Variants in PDS5B observed in about 807,000 individuals in gnomAD.
The protein encoded by PDS5B is PDS5 cohesin associated factor B.
In PDS5B, 51 loss-of-function variants were observed where a neutral mutation model predicts 184.1. That is an observed-to-expected ratio of 0.28 (90% CI 0.22 to 0.35). The LOEUF is 0.35. Ranked by LOEUF, PDS5B falls within the 10% of genes least tolerant of loss-of-function variation. The probability of loss-of-function intolerance (pLI) is 1.00; values close to 1 mark genes in which losing one functional copy is unlikely to be tolerated. For synonymous variants in PDS5B, 566 were observed against 569.2 expected (o/e 0.99, Z 0.08); for missense variants, 1,180 against 1,723.3 (o/e 0.68, Z 5.58).
chr13:32,638,957 G>A (rs192559271), intron 1 of PDS5B, among the ~76,000 whole-genome samples: 5 of 152,178 alleles, frequency 3.3e-5, no homozygotes, highest in African/African-American at 1.2e-4. Flanking sequence ...CAGTCTACAT[G>A]GGGGCGTGGG....
intron 9 of PDS5B, among the ~76,000 whole-genome samples, chr13:32,676,682 A>G (rs1951072391): frequency 6.6e-6 from 1 of 152,194 alleles, no homozygotes; most frequent in Non-Finnish European, 1.5e-5. Context: ...CTGTAATCCT[A>G]GCACTTTGGG....
At chr13:32,722,301 C>T (rs1054568304) in intron 19 of PDS5B, among the ~76,000 whole-genome samples, 3 of 152,216 alleles carry the variant, frequency 2.0e-5, no homozygotes, top group South Asian at 2.1e-4. Flanking sequence ...GCCGAGATCG[C>T]GGCAGTACAG....
chr13:32,625,076 G>A (rs1195694918), intron 1 of PDS5B, among the ~76,000 whole-genome samples: 3 of 152,112 alleles, frequency 2.0e-5, no homozygotes, highest in Non-Finnish European at 1.5e-5. Flanking sequence ...GGAAAAAGAT[G>A]TTCAGTTTTT....
At chr13:32,684,172 A>G in intron 11 of PDS5B, 149 bp downstream of exon 11, 1 of 387,772 alleles carries the variant, frequency 2.6e-6, no homozygotes, top group Non-Finnish European at 4.5e-6. Context: ...AATTACCTTT[A>G]TGAGGTTTAC....
chr13:32,709,735 C>T (rs1163845589), intron 18 of PDS5B, among the ~76,000 whole-genome samples: 1 of 152,020 alleles, frequency 6.6e-6, no homozygotes, highest in Non-Finnish European at 1.5e-5. Flanking sequence ...GAAGAAATTA[C>T]TTCATTATAT....
intron 2 of PDS5B, among the ~76,000 whole-genome samples, chr13:32,650,782 T>G (rs1461198340): frequency 6.6e-6 from 1 of 152,246 alleles, no homozygotes; most frequent in Non-Finnish European, 1.5e-5. Flanking sequence ...TTTCCACAGC[T>G]GCTCTGAGAA....
At chr13:32,699,908 A>G (rs1312227790) in intron 16 of PDS5B, 39 bp downstream of exon 16, 5 of 1,504,820 alleles carry the variant, frequency 3.3e-6, no homozygotes, top group Non-Finnish European at 4.4e-6. Context: ...AAAAGCCCCC[A>G]AATCTTCTTT....
intron 20 of PDS5B, among the ~76,000 whole-genome samples, chr13:32,733,630 C>G (rs1294690170): frequency 6.6e-6 from 1 of 152,126 alleles, no homozygotes; most frequent in Non-Finnish European, 1.5e-5. Context: ...GCCTACAATT[C>G]TTGGTGTTCA....
chr13:32,776,065 T>G lies in PDS5B; in HGVS notation c.*1013T>G, dbSNP rs964791113. On this transcript the variant is annotated 3_prime_UTR_variant, in exon 35 of 35. Transcript: ENST00000315596. Reference sequence around the variant, plus strand: ...TAAAGTTAATCAGAAAGAAAAAATTTTATTGATGCAGTGTGTCTTTATAAA... The same window carrying G: ...TAAAGTTAATCAGAAAGAAAAAATTGTATTGATGCAGTGTGTCTTTATAAA... The G allele has an allele frequency of 1.3e-5, 2 of 155,128 alleles. No homozygotes were observed. Among genetic ancestry groups the G allele is most frequent in the South Asian group, 2.0e-4 (1 of 5,078 alleles). 9.6% of individuals were successfully genotyped at this position (155,128 alleles called of 1,614,324 possible). A position where few individuals can be genotyped will look rare whatever the true frequency, so the allele number is the denominator to read the frequency against.
intron 1 of PDS5B, among the ~76,000 whole-genome samples, chr13:32,630,824 G>C (rs987077418): frequency 7.0e-5 from 10 of 142,890 alleles, no homozygotes; most frequent in Middle Eastern, 3.5e-3. Context: ...TCTCACTTCT[G>C]TCCAGGCTGG....
chr13:32,594,115 C>T (rs2057819383), intron 1 of PDS5B, among the ~76,000 whole-genome samples: 2 of 152,142 alleles, frequency 1.3e-5, no homozygotes, highest in African/African-American at 4.8e-5. Context: ...CAATTATATG[C>T]TGGTTAAAAA....
chr13:32,741,739 G>A lies in PDS5B; in HGVS notation c.2475+591G>A, dbSNP rs945906168. On this transcript the variant is annotated intron_variant, in intron 22 of 34. Coordinates refer to ENST00000315596, the MANE Select transcript of PDS5B (RefSeq NM_015032.4). ...TGTGTGTGTGTGTGTGTGTGTGTGT[G>A]TGTATTTGTTTATAGTTCGTATTAC... Among the ~76,000 whole-genome samples the A allele has an allele frequency of 4.8e-5, 7 of 145,916 alleles. 1 individual carries two copies. Among genetic ancestry groups the A allele is most frequent in the African/African-American group, 1.8e-4 (7 of 38,774 alleles).
At chr13:32,679,045 A>T in intron 10 of PDS5B, 116 bp downstream of exon 10, 1 of 546,718 alleles carries the variant, frequency 1.8e-6, no homozygotes, top group Non-Finnish European at 3.2e-6. Flanking sequence ...GTCTTGTTTT[A>T]GTTTAAGGTC....
At chr13:32,603,252 G>A (rs946805781) in intron 1 of PDS5B, among the ~76,000 whole-genome samples, 12 of 152,044 alleles carry the variant, frequency 7.9e-5, no homozygotes, top group East Asian at 3.9e-4. Context: ...TCTTTAATCC[G>A]TCTGGAATTA....
At chr13:32,675,453 G>C (rs1202735997) in intron 8 of PDS5B, among the ~76,000 whole-genome samples, 1 of 152,142 alleles carries the variant, frequency 6.6e-6, no homozygotes, top group Admixed American at 6.5e-5. Flanking sequence ...TCTGTTTTCT[G>C]TAGGCCTGGC....
chr13:32,680,482 A>G (rs2140795804), intron 10 of PDS5B, among the ~76,000 whole-genome samples: 1 of 152,314 alleles, frequency 6.6e-6, no homozygotes, highest in Non-Finnish European at 1.5e-5. Context: ...TGTGTTTGGG[A>G]AAAGAATGAT....
chr13:32,615,094 CT>C (rs1177638499), intron 1 of PDS5B, among the ~76,000 whole-genome samples: 1 of 152,162 alleles, frequency 6.6e-6, no homozygotes, highest in Non-Finnish European at 1.5e-5. Flanking sequence ...GTTGTGCCCC[CT>C]ATCAATTATT....
chr13:32,681,210 A>G (rs114339469), intron 10 of PDS5B, among the ~76,000 whole-genome samples: 52 of 152,310 alleles, frequency 3.4e-4, no homozygotes, highest in African/African-American at 1.2e-3. Flanking sequence ...CTCATTCTAT[A>G]GAAGATTCTT....
rs1950537994 is a variant in PDS5B at position 32,657,241 on chromosome 13, G to C, written c.313-998G>C. 2.0e-5 allele frequency among the ~76,000 whole-genome samples: 3 copies of C among 152,302 alleles called. No homozygotes were observed. In the South Asian group the frequency reaches 6.2e-4, roughly 32 times the overall value. ...ATAAGTCTCTAAGAACTTGCTTTAT[G>C]AATCTGTGTGTTCCTTTGTTGGATG... On this transcript the variant is annotated intron_variant, in intron 3 of 34. Transcript: ENST00000315596.
Sources: gnomAD v4.1 joint callset for allele counts (sites outside exome capture counted in the v4.1 genomes callset) on GRCh38, gnomAD v4.1.1 for gene constraint, MANE v1.5 for transcripts, NCBI Gene and HGNC (gene_info 2026-07-23, HGNC 2026-07-21) for gene names.